Variants in PHLDB2 observed in about 807,000 individuals in gnomAD.
PHLDB2 encodes pleckstrin homology-like domain family B member 2.
A neutral mutation model predicts 123.6 loss-of-function variants in PHLDB2; 71 were observed. The observed-to-expected ratio is 0.57, with a 90% CI of 0.47 to 0.70. PHLDB2 has a LOEUF of 0.70. Among genes scored for constraint, PHLDB2 ranks in the 30% least tolerant of loss-of-function variants. The probability of loss-of-function intolerance (pLI) is 0.00; values close to 1 mark genes in which losing one functional copy is unlikely to be tolerated. For missense variants in PHLDB2, 1,446 were observed against 1,519.5 expected (o/e 0.95, Z 0.80); for synonymous variants, 547 against 541.6 (o/e 1.01, Z -0.14).
intron 1 of PHLDB2, among the ~76,000 whole-genome samples, chr3:111,862,912 A>C (rs1272045156): frequency 1.3e-5 from 2 of 152,142 alleles, no homozygotes; most frequent in African/African-American, 2.4e-5. Context: ...TAGGACTCAT[A>C]AGGTCTCAAG....
At chr3:111,819,716 C>A (rs932458362) in intron 1 of PHLDB2, among the ~76,000 whole-genome samples, 1 of 152,162 alleles carries the variant, frequency 6.6e-6, no homozygotes, top group Non-Finnish European at 1.5e-5. Context: ...ATTATCTCAA[C>A]CCCAGTGTCG....
At chr3:111,740,911 A>AG (rs1181532902) in intron 1 of PHLDB2, among the ~76,000 whole-genome samples, 2 of 151,942 alleles carry the variant, frequency 1.3e-5, no homozygotes, top group African/African-American at 4.8e-5. Flanking sequence ...AAAAAAAAAA[A>AG]AAAGAAACAG....
intron 13 of PHLDB2, among the ~76,000 whole-genome samples, chr3:111,964,523 G>A (rs762580918): frequency 1.5e-5 from 2 of 134,064 alleles, no homozygotes; most frequent in African/African-American, 2.9e-5. Context: ...TTTTTTTTTA[G>A]TAGAGAAGGG....
chr3:111,811,176 T>C (rs1020219916), intron 1 of PHLDB2, among the ~76,000 whole-genome samples: 8 of 152,208 alleles, frequency 5.3e-5, no homozygotes, highest in Non-Finnish European at 1.2e-4. Flanking sequence ...AAGCCTCCTA[T>C]AAAAATGTAC....
upstream of PHLDB2, among the ~76,000 whole-genome samples, chr3:111,857,616 G>T (rs1435709080): frequency 6.6e-6 from 1 of 152,166 alleles, no homozygotes; most frequent in East Asian, 1.9e-4. Flanking sequence ...ATTGATCAGT[G>T]TATGTATGCT....
intron 6 of PHLDB2, among the ~76,000 whole-genome samples, chr3:111,937,850 T>TAA (rs1475235995): frequency 6.6e-6 from 1 of 151,548 alleles, no homozygotes; most frequent in African/African-American, 2.4e-5. Flanking sequence ...TAAATAATGT[T>TAA]AAAGACTCCA....
rs182530219 is a variant in PHLDB2 at position 111,870,498 on chromosome 3, T to G, written c.-15+10922T>G. ...TTGAAATGAGAATATTGCTAGGAAG[T>G]GGTTGTTTCTGGAGCTTCTAATAAT... On this transcript the variant is annotated intron_variant, in intron 1 of 17. Transcript: ENST00000431670. Among the ~76,000 whole-genome samples the G allele has an allele frequency of 3.6e-3, 555 of 152,216 alleles. 3 individuals carry two copies. Among genetic ancestry groups the G allele is most frequent in the African/African-American group, 0.013 (538 of 41,532 alleles).
At chr3:111,759,781 C>T (rs2059962698) in intron 1 of PHLDB2, among the ~76,000 whole-genome samples, 1 of 152,212 alleles carries the variant, frequency 6.6e-6, no homozygotes, top group East Asian at 1.9e-4. Flanking sequence ...GGGCACACAG[C>T]TTACAAGAGA....
intron 1 of PHLDB2, among the ~76,000 whole-genome samples, chr3:111,869,389 TC>T (rs1246734049): frequency 6.6e-6 from 1 of 152,158 alleles, no homozygotes; most frequent in Admixed American, 6.5e-5. Context: ...AGTCTTTTGT[TC>T]TTTCCCTAAT....
At chr3:111,904,817 T>C (rs1432114247) in intron 2 of PHLDB2, among the ~76,000 whole-genome samples, 1 of 152,116 alleles carries the variant, frequency 6.6e-6, no homozygotes, top group Non-Finnish European at 1.5e-5. Flanking sequence ...GGCTTCCTCT[T>C]GGAAAGACTG....
chr3:111,913,274 C>G, intron 2 of PHLDB2, 45 bp from the exon 3 acceptor site: 1 of 1,530,026 alleles, frequency 6.5e-7, no homozygotes, highest in Non-Finnish European at 8.8e-7. Flanking sequence ...GAGTAGTATT[C>G]ATTCTCACAA....
At chr3:111,743,032 A>T (rs947316524) in intron 1 of PHLDB2, among the ~76,000 whole-genome samples, 3 of 152,198 alleles carry the variant, frequency 2.0e-5, no homozygotes, top group Non-Finnish European at 4.4e-5. Flanking sequence ...AAAGTTTCAG[A>T]CGGGTGCTCC....
At chr3:111,754,373 G>T (rs1258311523) in intron 1 of PHLDB2, among the ~76,000 whole-genome samples, 3 of 142,066 alleles carry the variant, frequency 2.1e-5, no homozygotes, top group African/African-American at 8.1e-5. Flanking sequence ...CACATCCCTT[G>T]TAAGTTGGAT....
At chr3:111,887,930 T>C (rs910968865) in intron 2 of PHLDB2, among the ~76,000 whole-genome samples, 8 of 152,170 alleles carry the variant, frequency 5.3e-5, no homozygotes, top group East Asian at 1.9e-4. Context: ...TAATGAGATA[T>C]TGTATTTTGT....
intron 1 of PHLDB2, among the ~76,000 whole-genome samples, chr3:111,735,686 G>C (rs7620801): frequency 6.6e-6 from 1 of 152,214 alleles, no homozygotes; most frequent in Non-Finnish European, 1.5e-5. Context: ...TAACCAAAAC[G>C]CTAGGAGAAA....
chr3:111,890,703 A>G (rs1198963508), intron 2 of PHLDB2, among the ~76,000 whole-genome samples: 1 of 152,050 alleles, frequency 6.6e-6, no homozygotes, highest in Non-Finnish European at 1.5e-5. Context: ...AACTCAAGGT[A>G]GTTTTATTGA....
chr3:111,856,001 G>T (rs1256705571), upstream of PHLDB2, among the ~76,000 whole-genome samples: 1 of 152,132 alleles, frequency 6.6e-6, no homozygotes, highest in South Asian at 2.1e-4. Flanking sequence ...ATGGCCTTAT[G>T]AAAGCTATTG....
intron 2 of PHLDB2, among the ~76,000 whole-genome samples, chr3:111,893,259 T>C (rs1166987407): frequency 6.6e-6 from 1 of 152,118 alleles, no homozygotes; most frequent in African/African-American, 2.4e-5. Context: ...GAAGAATGTC[T>C]TTGAAATGTG....
At chr3:111,958,402 C>A in intron 12 of PHLDB2, 1 of 663,852 alleles carries the variant, frequency 1.5e-6, no homozygotes, top group Non-Finnish European at 1.9e-6. Context: ...CCCAGATAGC[C>A]ATGTAAAAGT....
Sources: gnomAD v4.1 joint callset for allele counts (sites outside exome capture counted in the v4.1 genomes callset) on GRCh38, gnomAD v4.1.1 for gene constraint, MANE v1.5 for transcripts, NCBI Gene and HGNC (gene_info 2026-07-23, HGNC 2026-07-21) for gene names.